CDH18: variants seen among roughly 807,000 people sequenced by gnomAD.
CDH18 encodes cadherin 18, also known as cadherin-18.
In CDH18, 31 loss-of-function variants were observed where a neutral mutation model predicts 67.9. The ratio of observed to expected loss-of-function variants is 0.46; its 90% CI spans 0.34 to 0.62. CDH18 has a LOEUF of 0.62. Among genes scored for constraint, CDH18 ranks in the 20% least tolerant of loss-of-function variants. CDH18 has a pLI of 0.01. For missense variants in CDH18, 890 were observed against 975.5 expected (o/e 0.91, Z 1.17); for synonymous variants, 362 against 347.2 (o/e 1.04, Z -0.48).
chr5:20,268,660 G>A (rs1415195625), intron 1 of CDH18, among the ~76,000 whole-genome samples: 1 of 152,096 alleles, frequency 6.6e-6, no homozygotes, highest in Non-Finnish European at 1.5e-5. Context: ...AGAAGGATGA[G>A]GCTTCAGTGA....
intron 5 of CDH18, among the ~76,000 whole-genome samples, chr5:19,685,506 TG>T (rs1040865154): frequency 6.6e-6 from 1 of 152,180 alleles, no homozygotes; most frequent in Non-Finnish European, 1.5e-5. Flanking sequence ...CTTTCCCTCA[TG>T]GGAGGTGCTG....
chr5:20,304,890 A>G, intron 1 of CDH18: 1 of 1,612,140 alleles, frequency 6.2e-7, no homozygotes, highest in East Asian at 2.2e-5. Context: ...CATAGTCTTT[A>G]AAGATAGGTG....
chr5:20,551,676 C>T (rs1757641429), intron 1 of CDH18, among the ~76,000 whole-genome samples: 1 of 152,120 alleles, frequency 6.6e-6, no homozygotes, highest in African/African-American at 2.4e-5. Flanking sequence ...GTTATTATTT[C>T]TTTCTCAGAA....
chr5:20,372,839 AT>A (rs952659142), intron 1 of CDH18, among the ~76,000 whole-genome samples: 7 of 150,718 alleles, frequency 4.6e-5, no homozygotes, highest in South Asian at 2.1e-4. Flanking sequence ...GATATTTTTT[AT>A]TTTTTTTTCC....
intron 5 of CDH18, among the ~76,000 whole-genome samples, chr5:19,646,776 C>A (rs987989251): frequency 6.6e-6 from 1 of 151,974 alleles, no homozygotes; most frequent in Non-Finnish European, 1.5e-5. Flanking sequence ...AATGAGAGAG[C>A]AATGCTAATA....
At chr5:20,279,746 G>A (rs1455662729) in intron 1 of CDH18, among the ~76,000 whole-genome samples, 12 of 123,058 alleles carry the variant, frequency 9.8e-5, no homozygotes, top group South Asian at 2.7e-4. Context: ...CTGTAAGAGC[G>A]AGATAGGCTT....
chr5:20,224,002 T>C (rs1469823477), intron 2 of CDH18, among the ~76,000 whole-genome samples: 1 of 152,184 alleles, frequency 6.6e-6, no homozygotes, highest in African/African-American at 2.4e-5. Context: ...ATTCTTAATT[T>C]CTGAAGAATT....
At chr5:20,000,666 T>A (rs1463703904) in intron 2 of CDH18, among the ~76,000 whole-genome samples, 1 of 152,132 alleles carries the variant, frequency 6.6e-6, no homozygotes. Flanking sequence ...CAGCCACAGA[T>A]GATTATGTTG....
At chr5:20,132,449 T>G (rs1474880445) in intron 2 of CDH18, among the ~76,000 whole-genome samples, 2 of 152,314 alleles carry the variant, frequency 1.3e-5, no homozygotes, top group South Asian at 2.1e-4. Context: ...ACAAATGCAC[T>G]ACTATTAACT....
intron 2 of CDH18, among the ~76,000 whole-genome samples, chr5:20,018,895 C>T (rs938700630): frequency 7.7e-5 from 11 of 142,906 alleles, no homozygotes; most frequent in African/African-American, 2.4e-4. Context: ...CCCGGGTTCA[C>T]GCCATTCTCC....
intron 1 of CDH18, among the ~76,000 whole-genome samples, chr5:20,520,719 T>C (rs1755695104): frequency 6.6e-6 from 1 of 152,178 alleles, no homozygotes; most frequent in Admixed American, 6.5e-5. Flanking sequence ...AGTGAGATCA[T>C]AAAGTAGCAG....
chr5:19,542,609 T>C (rs1750450053), intron 9 of CDH18, among the ~76,000 whole-genome samples: 2 of 152,192 alleles, frequency 1.3e-5, no homozygotes, highest in Admixed American at 6.5e-5. Context: ...ACACATACTA[T>C]AATATGCATA....
At chr5:19,791,671 A>G (rs1776374252) in intron 3 of CDH18, among the ~76,000 whole-genome samples, 1 of 152,138 alleles carries the variant, frequency 6.6e-6, no homozygotes, top group Non-Finnish European at 1.5e-5. Context: ...ACAAAAACAC[A>G]GTTCCAGTCC....
chr5:19,805,770 TAATC>T (rs1335657494), intron 3 of CDH18, among the ~76,000 whole-genome samples: 2 of 152,162 alleles, frequency 1.3e-5, no homozygotes, highest in Non-Finnish European at 2.9e-5. Flanking sequence ...AAAAAATATT[TAATC>T]AATCTATTTC....
intron 11 of CDH18, among the ~76,000 whole-genome samples, chr5:19,499,700 A>C (rs934533424): frequency 6.6e-5 from 10 of 152,090 alleles, no homozygotes; most frequent in Non-Finnish European, 1.3e-4. Flanking sequence ...ATTTTTCATT[A>C]GTCAGAGCAA....
chr5:20,417,663 CAGTT>C (rs751332436), intron 1 of CDH18, among the ~76,000 whole-genome samples: 9 of 152,128 alleles, frequency 5.9e-5, no homozygotes, highest in Non-Finnish European at 7.4e-5. Flanking sequence ...AAATTGAAGA[CAGTT>C]AGAGAAGACA....
At chr5:19,520,993 A>G (rs1746813238) in intron 9 of CDH18, among the ~76,000 whole-genome samples, 1 of 152,166 alleles carries the variant, frequency 6.6e-6, no homozygotes, top group Admixed American at 6.5e-5. Flanking sequence ...GAATGCCAAA[A>G]TGATATTTTG....
rs564529972 is a variant in CDH18 at position 20,570,013 on chromosome 5, C to A, written c.-580+5449G>T. Among the ~76,000 whole-genome samples the A allele has an allele frequency of 1.1e-4, 16 of 152,054 alleles. No homozygotes were observed. The East Asian group carries it at 2.9e-3, about 28-fold the overall frequency. ...AAAGATCAGTGCTTGTCAGGTGTTA[C>A]GGAGAAGGAACTGAAGAAGGCATGA... On this transcript the variant is annotated intron_variant, in intron 1 of 14. Coordinates refer to the CDH18 transcript ENST00000507958.
chr5:20,021,625 T>C (rs1328969600), intron 2 of CDH18, among the ~76,000 whole-genome samples: 1 of 152,136 alleles, frequency 6.6e-6, no homozygotes, highest in Non-Finnish European at 1.5e-5. Context: ...GCTAAGACAA[T>C]GGGGAAAATG....
Sources: gnomAD v4.1 joint callset for allele counts (sites outside exome capture counted in the v4.1 genomes callset) on GRCh38, gnomAD v4.1.1 for gene constraint, MANE v1.5 for transcripts, NCBI Gene and HGNC (gene_info 2026-07-23, HGNC 2026-07-21) for gene names.